The following PAXBP1 variants were observed in gnomAD, a reference collection of about 807,000 sequenced individuals.
PAXBP1 encodes the protein PAX3 and PAX7 binding protein 1, also known as PAX3- and PAX7-binding protein 1.
Under a neutral mutation model 119.9 loss-of-function variants are expected in PAXBP1, and 44 were observed. The observed-to-expected ratio is 0.37, with a 90% CI of 0.29 to 0.47. The LOEUF is 0.47. PAXBP1 is among the 20% of genes least tolerant of loss of function. PAXBP1 has a pLI of 0.99. For synonymous variants in PAXBP1, 393 were observed against 406.6 expected (o/e 0.97, Z 0.40); for missense variants, 898 against 1,134.1 (o/e 0.79, Z 2.99).
At chr21:32,740,804 A>T (rs562249129) in intron 15 of PAXBP1, among the ~76,000 whole-genome samples, 1 of 152,174 alleles carries the variant, frequency 6.6e-6, no homozygotes, top group South Asian at 2.1e-4. Flanking sequence ...ATGGAAAGAT[A>T]AGCCACAAAC....
rs75485038 is a variant in PAXBP1 at position 32,755,875 on chromosome 21, C to T, written c.1384-522G>A. 11 of 175,422 alleles carry T rather than the reference C, an allele frequency of 6.3e-5. No individual in the cohort carries two copies. In the East Asian group the frequency reaches 1.8e-3, roughly 29 times the overall value. The allele number at this position is 175,422 out of a possible 1,614,324, so 10.9% of individuals were successfully genotyped here. On this transcript the variant is annotated intron_variant, in intron 7 of 17. Coordinates refer to ENST00000331923, the MANE Select transcript of PAXBP1 (RefSeq NM_016631.4). ...CTCTGCCACTCATATGTACCAAGTA[C>T]GTTACAGTAATCTGTTTACTATTTT...
At chr21:32,768,326 G>A (rs1303855646) in intron 2 of PAXBP1, among the ~76,000 whole-genome samples, 1 of 152,146 alleles carries the variant, frequency 6.6e-6, no homozygotes, top group Non-Finnish European at 1.5e-5. Context: ...AACTTCTATT[G>A]TTTATAAATT....
At chr21:32,759,017 A>G in intron 7 of PAXBP1, 63 bp downstream of exon 7, 2 of 1,487,876 alleles carry the variant, frequency 1.3e-6, no homozygotes, top group Non-Finnish European at 1.8e-6. Context: ...TGTTCTACAC[A>G]AGGCCATCTA....
intron 15 of PAXBP1, chr21:32,742,299 TAAGGACCAAAGTATTTCA>T: frequency 6.6e-6 from 1 of 152,194 alleles, no homozygotes; most frequent in Non-Finnish European, 1.5e-5. Flanking sequence ...ACTTTTGGGA[TAAGGACCAAAGTATTTCA>T]AATGACCTAC....
chr21:32,755,265 A>G lies in PAXBP1; in HGVS notation c.1472T>C (p.Ile491Thr). 1 of 1,613,440 alleles carries G rather than the reference A, an allele frequency of 6.2e-7. No individual in the cohort carries two copies. ...TGAAAACTCCGAAGATTCATCTTTA[A>G]TATCATCTTGTCGTCTTTGGACAAG... ...SRLVQRRQDD[I>T]KDESSEFSSH... Residue 491 changes from isoleucine (I) to threonine (T), a missense_variant, in exon 8 of 18, where the codon ATT becomes ACT. Around this residue, in one of 2 missense-constraint regions of PAXBP1, gnomAD observed 599 missense variants for 852.7 expected, o/e 0.70. Transcript: ENST00000331923.
At chr21:32,738,616 G>C (rs935315005) in intron 15 of PAXBP1, among the ~76,000 whole-genome samples, 1 of 152,068 alleles carries the variant, frequency 6.6e-6, no homozygotes, top group Non-Finnish European at 1.5e-5. Context: ...CTGAGTCTTA[G>C]GTAAGTGTCC....
chr21:32,763,495 T>A (rs537423467), intron 3 of PAXBP1, among the ~76,000 whole-genome samples: 2 of 152,322 alleles, frequency 1.3e-5, no homozygotes, highest in African/African-American at 4.8e-5. Flanking sequence ...GTGATGTATG[T>A]ATAGAATTTA....
intron 6 of PAXBP1, chr21:32,759,544 G>A (rs931519928): frequency 1.7e-6 from 1 of 603,956 alleles, no homozygotes; most frequent in African/African-American, 1.9e-5. Flanking sequence ...TACAAACTCA[G>A]AAATGTCTTC....
intron 13 of PAXBP1, among the ~76,000 whole-genome samples, chr21:32,744,100 T>G (rs1353109064): frequency 3.3e-5 from 5 of 152,050 alleles, no homozygotes; most frequent in African/African-American, 1.2e-4. Flanking sequence ...TGAAGAGCAT[T>G]AACTTTAAGT....
In PAXBP1 at chr21:32,750,913, TA is replaced by T. The variant is rs747772095; in HGVS notation, c.1723+3del. The T allele has an allele frequency of 1.0e-5, 16 of 1,601,014 alleles. No individual in the cohort carries two copies. Among genetic ancestry groups the T allele is most frequent in the Non-Finnish European group, 1.4e-5 (16 of 1,171,304 alleles). ...TGAGTCTTATTTCCAAATAAATGTC[TA>T]ACCTTTTTCCAGATTGAAATTAGTA... On this transcript the variant is annotated splice_donor_region_variant and intron_variant, in intron 10 of 17. Transcript: ENST00000331923.
chr21:32,758,594 G>C lies in PAXBP1; in HGVS notation c.1383+486C>G, dbSNP rs776269582. ...TGGTTTCTGAAAGAAATCAAGCATAGGCTTACTTAGATAAAAACTATTAGC... is the reference window on the plus strand; with the variant it reads ...TGGTTTCTGAAAGAAATCAAGCATACGCTTACTTAGATAAAAACTATTAGC... On this transcript the variant is annotated intron_variant, in intron 7 of 17. Transcript: ENST00000331923. 2.1e-5 allele frequency among the ~76,000 whole-genome samples: 3 copies of C among 143,192 alleles called. No individual in the cohort carries two copies. In the South Asian group the frequency reaches 6.5e-4, roughly 31 times the overall value. The allele number at this position is 143,192 out of a possible 152,430, so 93.9% of individuals were successfully genotyped here. A position where few individuals can be genotyped will look rare whatever the true frequency, so the allele number is the denominator to read the frequency against.
intron 6 of PAXBP1, 33 bp downstream of exon 6, chr21:32,759,744 C>T (rs375350235): frequency 3.2e-6 from 5 of 1,548,074 alleles, no homozygotes; most frequent in African/African-American, 1.4e-5. Context: ...AGAAAGCTAG[C>T]GGACAGGTCT....
intron 13 of PAXBP1, 30 bp from the exon 14 acceptor site, chr21:32,743,784 TAATAAGG>T: frequency 8.3e-7 from 1 of 1,206,648 alleles, no homozygotes; most frequent in Middle Eastern, 1.9e-4. Context: ...TCACACATTT[TAATAAGG>T]ACTATGACAA....
intron 2 of PAXBP1, among the ~76,000 whole-genome samples, chr21:32,765,388 C>T (rs1386486149): frequency 6.6e-6 from 1 of 152,156 alleles, no homozygotes; most frequent in African/African-American, 2.4e-5. Context: ...GTTTACATTA[C>T]TTACAATTAA....
At chr21:32,762,348 T>G in intron 3 of PAXBP1, 31 bp from the exon 4 acceptor site, 2 of 1,587,042 alleles carry the variant, frequency 1.3e-6, no homozygotes, top group Non-Finnish European at 1.7e-6. Context: ...TATGGCAGTA[T>G]GAGAGATGCA....
In PAXBP1 at chr21:32,771,592, T is replaced by C. The variant is rs1360869018; in HGVS notation, c.77A>G (p.Glu26Gly). The C allele has an allele frequency of 6.8e-6, 10 of 1,462,124 alleles. No individual in the cohort carries two copies. The highest frequency in any genetic ancestry group is 1.3e-5 in the South Asian group (1 of 77,276). The allele number at this position is 1,462,124 out of a possible 1,614,324, so 90.6% of individuals were successfully genotyped here. A position where few individuals can be genotyped will look rare whatever the true frequency, so the allele number is the denominator to read the frequency against. The change falls in exon 1 of 18, where the codon GAG (glutamate) becomes GGG (glycine). Residue 26 changes from glutamate to glycine, a missense_variant. Physicochemically the swap from Glu to Gly is moderately conservative, Grantham distance 98. This residue lies in a region of PAXBP1 where 299 missense variants were observed against 281.4 expected (regional missense o/e 1.06). Transcript: ENST00000331923. ...SEEEERERDE[E>G]QEPPPLLPPP... is the part of the protein sequence containing the mutation. ...CGGCAACAACGGCGGCGGCTCCTGC[T>C]CCTCATCGCGTTCCCGCTCTTCCTC...
Position 32,764,504 on chromosome 21 carries a change from T to C in PAXBP1, c.493A>G (p.Thr165Ala). ...SAESEQPLDK[T>A]GHVKDTNQED... is the part of the protein sequence containing the mutation. ...TGATTTGTATCCTTAACATGTCCTG[T>C]TTTGTCCAAAGGTTGTTCACCTAAA... is the stretch of plus-strand genomic sequence containing the variant. Residue 165 changes from threonine to alanine, a missense_variant, in exon 3 of 18, where the codon ACA (threonine) becomes GCA (alanine). Around this residue, in one of 2 missense-constraint regions of PAXBP1, gnomAD observed 299 missense variants for 281.4 expected, o/e 1.06. Transcript: ENST00000331923. 1 of 1,609,392 alleles carries C rather than the reference T, an allele frequency of 6.2e-7. No homozygotes were observed. Among genetic ancestry groups the C allele is most frequent in the Non-Finnish European group, 8.5e-7 (1 of 1,178,000 alleles).
At chr21:32,767,720 T>C (rs1298509879) in intron 2 of PAXBP1, among the ~76,000 whole-genome samples, 1 of 152,238 alleles carries the variant, frequency 6.6e-6, no homozygotes, top group East Asian at 1.9e-4. Context: ...AAAAGTGCCT[T>C]TCACCTCCTG....
chr21:32,736,468 T>G (rs1413664216), intron 17 of PAXBP1, among the ~76,000 whole-genome samples: 2 of 152,184 alleles, frequency 1.3e-5, no homozygotes, highest in African/African-American at 2.4e-5. Flanking sequence ...ATTACAGGCA[T>G]GAGCCACCAT....
Sources: gnomAD v4.1 joint callset for allele counts (sites outside exome capture counted in the v4.1 genomes callset) on GRCh38, gnomAD v4.1.1 for gene constraint, gnomAD v4.1.1 regional missense constraint, MANE v1.5 for transcripts, NCBI Gene and HGNC (gene_info 2026-07-23, HGNC 2026-07-21) for gene names.